The following TNFRSF19 variants were observed in gnomAD, a reference collection of about 807,000 sequenced individuals.
TNFRSF19 encodes the protein tumor necrosis factor receptor superfamily member 19.
Under a neutral mutation model 46.4 loss-of-function variants are expected in TNFRSF19, and 27 were observed. That is an observed-to-expected ratio of 0.58 (90% CI 0.43 to 0.80). The LOEUF (loss-of-function observed/expected upper bound fraction) is 0.80, where lower values mean the gene tolerates loss of function less well. TNFRSF19 is among the 30% of genes least tolerant of loss of function. The pLI, the probability that TNFRSF19 is intolerant of heterozygous loss-of-function variation, is 0.00. For synonymous variants in TNFRSF19, 204 were observed against 205.0 expected (o/e 1.00, Z 0.04); for missense variants, 511 against 530.8 (o/e 0.96, Z 0.37).
At chr13:23,641,800 A>G (rs747872941) in intron 5 of TNFRSF19, among the ~76,000 whole-genome samples, 5 of 152,348 alleles carry the variant, frequency 3.3e-5, no homozygotes, top group Non-Finnish European at 7.3e-5. Flanking sequence ...TTGACCTACA[A>G]TAGGGCAACA....
intron 5 of TNFRSF19, among the ~76,000 whole-genome samples, chr13:23,629,152 G>C (rs890589650): frequency 1.3e-5 from 2 of 151,770 alleles, no homozygotes; most frequent in Non-Finnish European, 2.9e-5. Flanking sequence ...CCCTCTTGAG[G>C]AGTTCCTGTG....
In TNFRSF19 at chr13:23,660,470, G is replaced by A. The variant is rs750011237; in HGVS notation, c.716G>A (p.Arg239His). 21 of 1,613,282 alleles carry A rather than the reference G, an allele frequency of 1.3e-5. No homozygotes were observed. The highest frequency in any genetic ancestry group is 5.3e-5 in the African/African-American group (4 of 74,898). The change falls in exon 7 of 10, where the codon CGT (arginine) becomes CAT (histidine). Residue 239 changes from arginine to histidine, a missense_variant. By Grantham distance (29) the Arg-to-His change is conservative. Around this residue, in one of 3 missense-constraint regions of TNFRSF19, gnomAD observed 376 missense variants for 372.7 expected, o/e 1.01. Transcript: ENST00000248484. ...CACAGAGCCTGCTGCCAGTGCCGCC[G>A]TGACTCAGTGCAGACCTGCGGTAAG... Reference protein sequence around the residue: ...YAHRACCQCRRDSVQTCGPVR... With the variant: ...YAHRACCQCRHDSVQTCGPVR...
intron 9 of TNFRSF19, among the ~76,000 whole-genome samples, chr13:23,672,692 A>G (rs1951776485): frequency 6.6e-6 from 1 of 152,178 alleles, no homozygotes; most frequent in South Asian, 2.1e-4. Flanking sequence ...AATTAGTGGT[A>G]AGTTAGTGAA....
At chr13:23,656,401 C>A (rs1593292284) in intron 5 of TNFRSF19, among the ~76,000 whole-genome samples, 3 of 152,134 alleles carry the variant, frequency 2.0e-5, no homozygotes, top group African/African-American at 7.2e-5. Context: ...AGAGACAGTT[C>A]CTTTTATATT....
chr13:23,638,158 A>AGG (rs1882806108), intron 5 of TNFRSF19, among the ~76,000 whole-genome samples: 1 of 87,472 alleles, frequency 1.1e-5, no homozygotes, highest in African/African-American at 3.2e-5. Flanking sequence ...TAAACACAGC[A>AGG]AGACGTTATG....
At chr13:23,613,586 ACT>A (rs1324979586) in intron 3 of TNFRSF19, among the ~76,000 whole-genome samples, 3 of 151,786 alleles carry the variant, frequency 2.0e-5, no homozygotes. Flanking sequence ...CGTACATGAG[ACT>A]CTTACAACCT....
intron 5 of TNFRSF19, among the ~76,000 whole-genome samples, chr13:23,653,021 T>G (rs1184695593): frequency 6.6e-6 from 1 of 152,234 alleles, no homozygotes; most frequent in Non-Finnish European, 1.5e-5. Flanking sequence ...GAAGTTTCTC[T>G]GTCTCGTATT....
intron 5 of TNFRSF19, among the ~76,000 whole-genome samples, chr13:23,645,158 A>G (rs1045857314): frequency 1.3e-5 from 2 of 152,226 alleles, no homozygotes; most frequent in African/African-American, 4.8e-5. Flanking sequence ...CAGAATGTAC[A>G]AACTTGCTTT....
At chr13:23,655,971 AG>A (rs1479849195) in intron 5 of TNFRSF19, among the ~76,000 whole-genome samples, 1 of 152,206 alleles carries the variant, frequency 6.6e-6, no homozygotes, top group Non-Finnish European at 1.5e-5. Flanking sequence ...CCCATTTCCT[AG>A]AAAAAAAGAA....
At position 23,660,478 on chromosome 13, in the gene TNFRSF19, G is replaced by A; in HGVS notation, c.724G>A (p.Val242Met). The change falls in exon 7 of 10, where the codon GTG becomes ATG. Residue 242 changes from valine to methionine, a missense_variant. Coordinates refer to ENST00000248484, the MANE Select transcript of TNFRSF19 (RefSeq NM_148957.4). The part of the protein sequence containing the change: ...RACCQCRRDS[V>M]QTCGPVRLLP... ...CTGCTGCCAGTGCCGCCGTGACTCA[G>A]TGCAGACCTGCGGTAAGTTCAGCAG... 1 of 1,613,222 alleles carries A rather than the reference G, an allele frequency of 6.2e-7. No individual in the cohort carries two copies. Among genetic ancestry groups the A allele is most frequent in the South Asian group, 1.1e-5 (1 of 91,004 alleles).
chr13:23,626,674 A>G (rs1489718724), intron 4 of TNFRSF19, 33 bp from the exon 5 acceptor site: 2 of 1,600,488 alleles, frequency 1.2e-6, no homozygotes, highest in Non-Finnish European at 1.7e-6. Context: ...TAGATGAAAG[A>G]GTTAACAAGG....
At chr13:23,670,356 T>C (rs957534209) in intron 9 of TNFRSF19, among the ~76,000 whole-genome samples, 1 of 152,134 alleles carries the variant, frequency 6.6e-6, no homozygotes, top group South Asian at 2.1e-4. Context: ...GGAGAACTTT[T>C]AGGGGATTCT....
intron 1 of TNFRSF19, among the ~76,000 whole-genome samples, chr13:23,584,047 TTTG>T (rs896493848): frequency 1.3e-5 from 2 of 152,200 alleles, no homozygotes; most frequent in South Asian, 2.1e-4. Context: ...TAGGTTATTT[TTTG>T]TTGTTGTTGT....
intron 4 of TNFRSF19, among the ~76,000 whole-genome samples, chr13:23,624,307 G>A (rs979731611): frequency 4.0e-5 from 6 of 151,676 alleles, no homozygotes; most frequent in Non-Finnish European, 1.5e-5. Flanking sequence ...TTGAAATCAG[G>A]AAGTATGAGT....
intron 7 of TNFRSF19, among the ~76,000 whole-genome samples, chr13:23,666,169 A>G (rs1384957695): frequency 6.6e-6 from 1 of 152,204 alleles, no homozygotes; most frequent in Non-Finnish European, 1.5e-5. Context: ...GGTGTCTGCC[A>G]GGTTTCTCCA....
chr13:23,666,390 T>C (rs1951633986), intron 7 of TNFRSF19, among the ~76,000 whole-genome samples: 1 of 152,230 alleles, frequency 6.6e-6, no homozygotes, highest in Admixed American at 6.5e-5. Flanking sequence ...GTTGGCTTCC[T>C]ATGGTAAGGA....
intron 5 of TNFRSF19, among the ~76,000 whole-genome samples, chr13:23,628,403 T>C (rs947872291): frequency 5.3e-5 from 8 of 152,198 alleles, no homozygotes; most frequent in Non-Finnish European, 1.0e-4. Context: ...CTTGCCAGTT[T>C]AACATGCAGT....
intron 5 of TNFRSF19, among the ~76,000 whole-genome samples, chr13:23,649,478 A>G (rs1043775576): frequency 1.3e-5 from 2 of 151,880 alleles, no homozygotes; most frequent in African/African-American, 4.8e-5. Context: ...AAAGTTTTGT[A>G]GATTTTACTG....
chr13:23,616,379 T>A (rs1241553131), intron 4 of TNFRSF19, among the ~76,000 whole-genome samples: 2 of 152,174 alleles, frequency 1.3e-5, no homozygotes, highest in Non-Finnish European at 2.9e-5. Context: ...AGGTGACCCA[T>A]GTGACTGGCA....
Sources: allele counts gnomAD v4.1 joint callset (sites outside exome capture counted in the v4.1 genomes callset), GRCh38; gene constraint gnomAD v4.1.1; regional missense constraint gnomAD v4.1.1; transcripts MANE v1.5; gene names NCBI Gene and HGNC (gene_info 2026-07-23, HGNC 2026-07-21).